The following MLLT10 variants were observed in gnomAD, a reference collection of about 807,000 sequenced individuals.
The protein encoded by MLLT10 is protein AF-10.
A neutral mutation model predicts 129.1 loss-of-function variants in MLLT10; 30 were observed. The ratio of observed to expected loss-of-function variants is 0.23; its 90% CI spans 0.17 to 0.32. The LOEUF is 0.32. Ranked by LOEUF, MLLT10 falls within the 10% of genes least tolerant of loss-of-function variation. The pLI, the probability that MLLT10 is intolerant of heterozygous loss-of-function variation, is 1.00. For missense variants in MLLT10, 1,119 were observed against 1,268.3 expected (o/e 0.88, Z 1.79); for synonymous variants, 490 against 446.4 (o/e 1.10, Z -1.23).
rs772854012 is a variant in MLLT10 at position 21,733,853 on chromosome 10, G to A, written c.2582G>A (p.Gly861Asp). The change falls in exon 20 of 23, where the codon GGC (glycine) becomes GAC (aspartate). Residue 861 changes from glycine (G) to aspartate (D), a missense_variant. Gly to Asp is a moderately conservative substitution (Grantham distance 94, BLOSUM62 -1). This residue lies in a region of MLLT10 where 1,004 missense variants were observed against 1,008.7 expected (regional missense o/e 1.00). Transcript: ENST00000307729. ...GCTGGGCAGAGTCCGGCTCAACAAG[G>A]CTCAGGAGTGAGTGGAGTTCAGCAG... is the stretch of plus-strand genomic sequence containing the variant. ...PPAGQSPAQQ[G>D]SGVSGVQQVN... 1.2e-6 allele frequency: 2 copies of A among 1,614,162 alleles called. No homozygotes were observed. Among genetic ancestry groups the A allele is most frequent in the South Asian group, 1.1e-5 (1 of 91,082 alleles).
chr10:21,666,086 G>C (rs990458857), intron 9 of MLLT10, among the ~76,000 whole-genome samples: 1 of 152,028 alleles, frequency 6.6e-6, no homozygotes, highest in African/African-American at 2.4e-5. Context: ...TCTGTCTGCT[G>C]TATGTTTGAT....
intron 9 of MLLT10, among the ~76,000 whole-genome samples, chr10:21,660,483 G>C (rs2050068553): frequency 6.6e-6 from 1 of 151,164 alleles, no homozygotes; most frequent in Non-Finnish European, 1.5e-5. Flanking sequence ...GGGCATCGTG[G>C]TGCAGGCCCA....
intron 4 of MLLT10, among the ~76,000 whole-genome samples, chr10:21,586,927 T>C (rs573657554): frequency 2.0e-5 from 3 of 152,030 alleles, no homozygotes; most frequent in Non-Finnish European, 2.9e-5. Flanking sequence ...TAGTTTCTTA[T>C]GTTAGGAATT....
At chr10:21,546,483 C>A (rs1045176096) in intron 3 of MLLT10, among the ~76,000 whole-genome samples, 3 of 151,934 alleles carry the variant, frequency 2.0e-5, no homozygotes, top group Non-Finnish European at 4.4e-5. Flanking sequence ...CCGCTTACTG[C>A]AACCTCCGCC....
At chr10:21,650,193 A>G (rs2048885981) in intron 8 of MLLT10, among the ~76,000 whole-genome samples, 2 of 152,014 alleles carry the variant, frequency 1.3e-5, no homozygotes, top group Admixed American at 6.6e-5. Flanking sequence ...AAAAAAATAC[A>G]TATAAAAAAA....
chr10:21,742,813 G>T lies in MLLT10; in HGVS notation c.*830G>T, dbSNP rs1833839621. The stretch of plus-strand genomic sequence containing the variant: ...CATTGTGCTGCAAGGGCTGTAGACA[G>T]CAGGGTGGGACAGTCAGTCCTCCGA... On this transcript the variant is annotated 3_prime_UTR_variant, in exon 23 of 23. Coordinates refer to ENST00000307729, the MANE Select transcript of MLLT10 (RefSeq NM_001195626.3). The T allele has an allele frequency of 1.3e-5, 3 of 227,642 alleles. No homozygotes were observed. The highest frequency in any genetic ancestry group is 2.6e-5 in the Non-Finnish European group (3 of 114,636). The allele number at this position is 227,642 out of a possible 1,614,324, so 14.1% of individuals were successfully genotyped here.
rs2057920720 is a variant in MLLT10, at chr10:21,730,952, T to C, written c.2116T>C (p.Leu706=). The stretch of plus-strand genomic sequence containing the variant: ...CTATGATCAACCAGGCAACAGCAGT[T>C]TGGAAAATCTGCCTCCAGTAGCAGC... ...IRYDQPGNSS[L]ENLPPVAASI... Residue 706 remains leucine (L), a synonymous_variant, in exon 17 of 23, where the codon TTG becomes CTG. Transcript: ENST00000307729. The C allele has an allele frequency of 6.2e-7, 1 of 1,614,058 alleles. No individual in the cohort carries two copies. The highest frequency in any genetic ancestry group is 8.5e-7 in the Non-Finnish European group (1 of 1,180,028).
chr10:21,719,001 C>T (rs953492814), intron 14 of MLLT10, among the ~76,000 whole-genome samples: 10 of 152,214 alleles, frequency 6.6e-5, no homozygotes, highest in African/African-American at 1.9e-4. Context: ...GGATTGCAGG[C>T]GTGAGCCACC....
At chr10:21,616,462 C>G (rs2045268014) in intron 7 of MLLT10, among the ~76,000 whole-genome samples, 1 of 152,072 alleles carries the variant, frequency 6.6e-6, no homozygotes, top group African/African-American at 2.4e-5. Flanking sequence ...TTAAACACCT[C>G]AAATAACTCT....
intron 15 of MLLT10, 56 bp downstream of exon 15, chr10:21,726,411 T>C: frequency 7.8e-7 from 1 of 1,275,224 alleles, no homozygotes; most frequent in East Asian, 2.4e-5. Flanking sequence ...CTTTAATTTT[T>C]TTCCCCTTTT....
chr10:21,717,504 TCCTCCTCCTCCACCA>T (rs1448271638), intron 14 of MLLT10, among the ~76,000 whole-genome samples: 14 of 82,034 alleles, frequency 1.7e-4, no homozygotes, highest in South Asian at 5.9e-4. Flanking sequence ...CTCCTCCTCC[TCCTCCTCCTCCACCA>T]CCTCCTCCTC....
intron 14 of MLLT10, among the ~76,000 whole-genome samples, chr10:21,715,978 C>G (rs1287805891): frequency 6.6e-6 from 1 of 152,210 alleles, no homozygotes; most frequent in African/African-American, 2.4e-5. Context: ...GCTTATTTAG[C>G]CTGGCTTATC....
chr10:21,572,844 C>G (rs2040356991), intron 3 of MLLT10, among the ~76,000 whole-genome samples: 1 of 152,100 alleles, frequency 6.6e-6, no homozygotes, highest in South Asian at 2.1e-4. Flanking sequence ...CTCCTGACCT[C>G]AAGTGATCTG....
chr10:21,681,576 C>T (rs762524617), intron 12 of MLLT10, among the ~76,000 whole-genome samples, 200 bp downstream of exon 12: 1 of 152,136 alleles, frequency 6.6e-6, no homozygotes, highest in African/African-American at 2.4e-5. Flanking sequence ...AAGTTGTGTA[C>T]AAATTTTAAT....
chr10:21,686,298 T>C (rs184929365), intron 13 of MLLT10, among the ~76,000 whole-genome samples: 2 of 152,296 alleles, frequency 1.3e-5, no homozygotes, highest in African/African-American at 4.8e-5. Context: ...CTACTTTCCC[T>C]TTCCAAACTG....
At chr10:21,708,479 A>C (rs2055747496) in intron 13 of MLLT10, 3 of 755,454 alleles carry the variant, frequency 4.0e-6, no homozygotes. Flanking sequence ...TGAAGGGAAT[A>C]CATTATTTTC....
intron 8 of MLLT10, chr10:21,624,868 T>C (rs990600517): frequency 1.8e-6 from 2 of 1,137,522 alleles, no homozygotes; most frequent in African/African-American, 1.5e-5. Context: ...CTGCCACCCC[T>C]ACAGCCTCGT....
At chr10:21,717,906 C>CCTTCTCCTT (rs1564712543) in intron 14 of MLLT10, among the ~76,000 whole-genome samples, 2 of 143,782 alleles carry the variant, frequency 1.4e-5, no homozygotes, top group African/African-American at 2.7e-5. Context: ...TCCTCCTCCT[C>CCTTCTCCTT]CTCCTTCTCC....
chr10:21,584,976 G>C (rs2041864449), intron 3 of MLLT10, among the ~76,000 whole-genome samples: 2 of 151,694 alleles, frequency 1.3e-5, no homozygotes, highest in Admixed American at 1.3e-4. Context: ...GGAGTGCAGT[G>C]GCGCAATCGT....
Sources: allele counts gnomAD v4.1 joint callset (sites outside exome capture counted in the v4.1 genomes callset), GRCh38; gene constraint gnomAD v4.1.1; regional missense constraint gnomAD v4.1.1; transcripts MANE v1.5; gene names NCBI Gene and HGNC (gene_info 2026-07-23, HGNC 2026-07-21).